Variants in VWA2 observed in about 807,000 individuals in gnomAD.
The protein encoded by VWA2 is von Willebrand factor A domain-containing protein 2.
In VWA2, 73 loss-of-function variants were observed where a neutral mutation model predicts 70.4. The ratio of observed to expected loss-of-function variants is 1.04; its 90% CI spans 0.86 to 1.26. The LOEUF is 1.26. Among genes scored for constraint, VWA2 ranks in the 50% most tolerant of loss-of-function variants. The pLI is 0.00. For missense variants in VWA2, 1,011 were observed against 998.5 expected, an observed-to-expected ratio of 1.01 and a Z score of -0.17; for synonymous variants, 407 against 423.3, an observed-to-expected ratio of 0.96 and a Z score of 0.47.
intron 2 of VWA2, among the ~76,000 whole-genome samples, chr10:114,250,400 T>A (rs557971204): frequency 6.6e-6 from 1 of 152,184 alleles, no homozygotes; most frequent in Admixed American, 6.5e-5. Flanking sequence ...TAGGAAGGAA[T>A]TGATGTGTCT....
intron 9 of VWA2, among the ~76,000 whole-genome samples, chr10:114,282,864 C>T (rs972563253): frequency 6.6e-6 from 1 of 152,154 alleles, no homozygotes; most frequent in African/African-American, 2.4e-5. Flanking sequence ...TCCTCAAAGC[C>T]AGCACCAAAC....
At chr10:114,290,811 TA>T (rs1016424475) in intron 13 of VWA2, among the ~76,000 whole-genome samples, 4 of 151,972 alleles carry the variant, frequency 2.6e-5, no homozygotes, top group Admixed American at 1.3e-4. Flanking sequence ...ATTTGCTCAG[TA>T]AAATGGGAGG....
At position 114,282,679 on chromosome 10, in the gene VWA2, T is replaced by C. The variant is rs966556221; in HGVS notation, c.889+108T>C. 213 of 963,246 alleles carry C rather than the reference T, an allele frequency of 2.2e-4. 1 individual carries two copies. The Admixed American group carries it at 3.9e-3, about 18-fold the overall frequency. 59.7% of individuals were successfully genotyped at this position (963,246 alleles called of 1,614,324 possible). On this transcript the variant is annotated intron_variant, in intron 9 of 13. Coordinates refer to ENST00000392982, the MANE Select transcript of VWA2 (RefSeq NM_001272046.2). The stretch of plus-strand genomic sequence containing the variant: ...GACAGAGGGTGGGGTTGTGACTGGC[T>C]CCAGGGCAGAGGGATGGGGCACTTG...
At position 114,292,480 on chromosome 10, in the gene VWA2, A is replaced by G. The variant is rs2039692717; in HGVS notation, c.*1243A>G. 6.6e-6 allele frequency among the ~76,000 whole-genome samples: 1 copy of G among 151,680 alleles called. No individual in the cohort carries two copies. The stretch of plus-strand genomic sequence containing the variant: ...ATTTTGTTTTGCTTTGCTTTTCTAC[A>G]CAGTTTTTAAAGAAATATTTCAAGA... On this transcript the variant is annotated 3_prime_UTR_variant, in exon 14 of 14. Transcript: ENST00000392982.
chr10:114,286,052 C>CGG lies in VWA2; in HGVS notation c.1113_1114dup (p.Ala372GlyfsTer4). ...CAAAGTCTTCGTGAAGCGGTTTGTG[C>CGG]GGGCCGTGCTGAGCGAGGACTCTCG... On this transcript the variant is annotated frameshift_variant, in exon 11 of 14. Coordinates refer to ENST00000392982, the MANE Select transcript of VWA2 (RefSeq NM_001272046.2). LOFTEE classifies it high-confidence loss of function. The CGG allele has an allele frequency of 6.2e-7, 1 of 1,614,110 alleles. No homozygotes were observed. The highest frequency in any genetic ancestry group is 8.5e-7 in the Non-Finnish European group (1 of 1,180,028).
intron 6 of VWA2, among the ~76,000 whole-genome samples, chr10:114,275,433 A>T (rs1313058089): frequency 6.6e-6 from 1 of 152,204 alleles, no homozygotes; most frequent in African/African-American, 2.4e-5. Context: ...ATTGTGCCAG[A>T]CACAGTGCCT....
intron 11 of VWA2, among the ~76,000 whole-genome samples, chr10:114,287,373 G>T (rs1488107012): frequency 6.6e-6 from 1 of 152,102 alleles, no homozygotes; most frequent in Non-Finnish European, 1.5e-5. Flanking sequence ...GAGAGATGTG[G>T]TCTTGCTATG....
intron 5 of VWA2, among the ~76,000 whole-genome samples, chr10:114,268,196 T>C (rs931914028): frequency 6.6e-6 from 1 of 151,958 alleles, no homozygotes; most frequent in African/African-American, 2.4e-5. Context: ...TGTTCTTAAT[T>C]ACCTGTCTGC....
At chr10:114,271,856 A>G (rs1024177742) in intron 5 of VWA2, among the ~76,000 whole-genome samples, 2 of 152,202 alleles carry the variant, frequency 1.3e-5, no homozygotes, top group African/African-American at 4.8e-5. Context: ...TAACCACAGT[A>G]ATTCCATCAG....
At chr10:114,271,996 T>C (rs1183338908) in intron 5 of VWA2, among the ~76,000 whole-genome samples, 1 of 152,226 alleles carries the variant, frequency 6.6e-6, no homozygotes, top group East Asian at 1.9e-4. Context: ...CAGCTGACAC[T>C]CAAAGCTGGC....
intron 13 of VWA2, 136 bp from the exon 14 acceptor site, chr10:114,291,082 C>T (rs1419597300): frequency 9.7e-7 from 1 of 1,034,030 alleles, no homozygotes; most frequent in African/African-American, 1.6e-5. Flanking sequence ...CATGGGGTCT[C>T]TAATCTGGCA....
chr10:114,250,018 C>T (rs1185151287), intron 2 of VWA2, among the ~76,000 whole-genome samples: 1 of 152,140 alleles, frequency 6.6e-6, no homozygotes, highest in South Asian at 2.1e-4. Flanking sequence ...ACCCCCTCAT[C>T]CCAACACTGC....
intron 6 of VWA2, among the ~76,000 whole-genome samples, chr10:114,275,599 C>T (rs922773025): frequency 1.3e-5 from 2 of 152,106 alleles, no homozygotes; most frequent in Admixed American, 1.3e-4. Flanking sequence ...TTTTTTCCCC[C>T]AGATACACCA....
At chr10:114,263,711 T>C (rs941468196) in intron 5 of VWA2, among the ~76,000 whole-genome samples, 5 of 152,206 alleles carry the variant, frequency 3.3e-5, no homozygotes, top group Admixed American at 3.3e-4. Context: ...TAAAAACAGC[T>C]TTATGGAGAT....
intron 5 of VWA2, among the ~76,000 whole-genome samples, chr10:114,268,026 C>A (rs925480058): frequency 6.6e-6 from 1 of 152,014 alleles, no homozygotes; most frequent in African/African-American, 2.4e-5. Context: ...CCCACTAGGT[C>A]CTCAGAGGTG....
chr10:114,256,217 C>T (rs1045107232), intron 4 of VWA2, among the ~76,000 whole-genome samples: 7 of 152,280 alleles, frequency 4.6e-5, no homozygotes, highest in Middle Eastern at 6.8e-3. Context: ...TCCAGATGTA[C>T]GCTGAGGGAG....
At chr10:114,278,878 C>T (rs1436536564) in intron 8 of VWA2, 27 bp downstream of exon 8, 11 of 1,610,874 alleles carry the variant, frequency 6.8e-6, no homozygotes, top group Non-Finnish European at 9.3e-6. Context: ...TGGGCTCGGC[C>T]TGGGTGGAGA....
intron 5 of VWA2, among the ~76,000 whole-genome samples, chr10:114,272,437 C>G (rs1350297067): frequency 6.6e-6 from 1 of 152,176 alleles, no homozygotes; most frequent in East Asian, 1.9e-4. Flanking sequence ...AGGTGTTAGA[C>G]AAATGACAAG....
Position 114,290,384 on chromosome 10 carries a change from C to T in VWA2, c.2248+19C>T, listed in dbSNP as rs2039457005. On this transcript the variant is annotated intron_variant, in intron 13 of 13. Coordinates refer to ENST00000392982, the MANE Select transcript of VWA2 (RefSeq NM_001272046.2). ...GAGAACCGTGAGTGGAGCTCTTGCT[C>T]TGTATGTGTGAGCCAGGGATGGTAT... The T allele has an allele frequency of 6.5e-7, 1 of 1,550,176 alleles. No individual in the cohort carries two copies.
Sources: gnomAD v4.1 joint callset for allele counts (sites outside exome capture counted in the v4.1 genomes callset) on GRCh38, gnomAD v4.1.1 for gene constraint, MANE v1.5 for transcripts, NCBI Gene and HGNC (gene_info 2026-07-23, HGNC 2026-07-21) for gene names.